PEBP1: variants seen among roughly 807,000 people sequenced by gnomAD.
The protein encoded by PEBP1 is phosphatidylethanolamine binding protein 1, also known as phosphatidylethanolamine-binding protein 1.
A neutral mutation model predicts 22.7 loss-of-function variants in PEBP1; 17 were observed. The ratio of observed to expected loss-of-function variants is 0.75; its 90% confidence interval spans 0.51 to 1.12. The LOEUF (loss-of-function observed/expected upper bound fraction) is 1.12, where lower values mean the gene tolerates loss of function less well. Among genes scored for constraint, PEBP1 ranks in the 50% most tolerant of loss-of-function variants. The pLI, the probability that PEBP1 is intolerant of heterozygous loss-of-function variation, is 0.00. For synonymous variants in PEBP1, 106 were observed against 104.3 expected (o/e 1.02, Z -0.10); for missense variants, 205 against 243.5 (o/e 0.84, Z 1.05).
chr12:118,141,185 C>G (rs1037089647), intron 3 of PEBP1, among the ~76,000 whole-genome samples: 1 of 151,726 alleles, frequency 6.6e-6, no homozygotes. Flanking sequence ...GGCGTGATCT[C>G]GGCTCACTAC....
chr12:118,141,458 G>A (rs1328014995), intron 3 of PEBP1, among the ~76,000 whole-genome samples: 3 of 152,198 alleles, frequency 2.0e-5, no homozygotes, highest in Admixed American at 6.5e-5. Context: ...CATGGACCAG[G>A]CACGGTGGCT....
rs1256500624 is a variant in PEBP1 at position 118,139,538 on chromosome 12, T to C, written c.333T>C (p.Pro111=). The C allele has an allele frequency of 7.5e-6, 12 of 1,610,668 alleles. No individual in the cohort carries two copies. The highest frequency in any genetic ancestry group is 3.3e-5 in the Admixed American group (2 of 59,802). ...TCTCCGATTATGTGGGCTCGGGGCCTCCCAAGGGCACAGGTTAGTAAAGGT... is the reference window on the plus strand; with the variant it reads ...TCTCCGATTATGTGGGCTCGGGGCCCCCCAAGGGCACAGGTTAGTAAAGGT... ...TVLSDYVGSG[P]PKGTGLHRYV... Residue 111 remains proline (P), a synonymous_variant, in exon 3 of 4, where the codon CCT becomes CCC. Coordinates refer to ENST00000261313, the MANE Select transcript of PEBP1 (RefSeq NM_002567.4).
chr12:118,141,321 T>G (rs2034112194), intron 3 of PEBP1, among the ~76,000 whole-genome samples: 1 of 152,142 alleles, frequency 6.6e-6, no homozygotes, highest in Admixed American at 6.5e-5. Flanking sequence ...TTCACCATGT[T>G]GGCCAGGCTG....
rs1050555 is a variant in PEBP1, at chr12:118,136,285, C to A, written c.76C>A (p.His26Asn). 1 of 1,547,088 alleles carries A rather than the reference C, an allele frequency of 6.5e-7. No homozygotes were observed. The highest frequency in any genetic ancestry group is 2.0e-5 in the Admixed American group (1 of 50,996). Residue 26 changes from histidine (H) to asparagine (N), a missense_variant, in exon 1 of 4, where the codon CAT (histidine) becomes AAT (asparagine). Transcript: ENST00000261313. The surrounding 1 kb of genome is among the most constrained non-coding windows in gnomAD (Gnocchi z 5.6). ...GGACGAGCAGCCGCAGCACCCGCTG[C>A]ATGTCACCTACGCCGGGGCGGCGGT... Reference protein sequence around the residue: ...EVDEQPQHPLHVTYAGAAVDE... With the variant: ...EVDEQPQHPLNVTYAGAAVDE...
At chr12:118,141,004 G>A (rs1004008597) in intron 3 of PEBP1, among the ~76,000 whole-genome samples, 1 of 152,126 alleles carries the variant, frequency 6.6e-6, no homozygotes, top group Non-Finnish European at 1.5e-5. Flanking sequence ...AGCAGCCATT[G>A]GAAAGACAGA....
chr12:118,143,917 A>C (rs1008994797), intron 3 of PEBP1, among the ~76,000 whole-genome samples: 5 of 151,682 alleles, frequency 3.3e-5, no homozygotes, highest in African/African-American at 7.3e-5. Context: ...AAAAAAAAAA[A>C]AAAACCCACT....
chr12:118,138,524 G>A (rs1404683293), intron 2 of PEBP1, among the ~76,000 whole-genome samples: 3 of 151,992 alleles, frequency 2.0e-5, no homozygotes, highest in Admixed American at 6.6e-5. Context: ...TCAGCTAACC[G>A]AGTAGCTGGA....
chr12:118,140,486 A>G (rs890321064), intron 3 of PEBP1, among the ~76,000 whole-genome samples: 1 of 152,146 alleles, frequency 6.6e-6, no homozygotes, highest in Non-Finnish European at 1.5e-5. Flanking sequence ...AGGCAGGTTA[A>G]TTATGGGAAG....
intron 2 of PEBP1, among the ~76,000 whole-genome samples, chr12:118,138,610 GCT>G (rs2034087281): frequency 6.6e-6 from 1 of 151,932 alleles, no homozygotes; most frequent in Admixed American, 6.6e-5. Context: ...TGTCCAGGCT[GCT>G]CTCGAACTCC....
At chr12:118,137,779 C>T (rs2034078907) in intron 1 of PEBP1, among the ~76,000 whole-genome samples, 1 of 152,028 alleles carries the variant, frequency 6.6e-6, no homozygotes. Context: ...CCTCTGCCTC[C>T]CCAGCTCAAG....
In PEBP1 at chr12:118,136,770, C is replaced by T. The variant is rs556974163; in HGVS notation, c.135+426C>T. Among the ~76,000 whole-genome samples the T allele has an allele frequency of 1.3e-5, 2 of 152,304 alleles. No homozygotes were observed. The highest frequency in any genetic ancestry group is 4.1e-4 in the South Asian group (2 of 4,830). ...TAGGCCTGGTTTTGGAGGGCTGAAG[C>T]CTCACCCGAGAGCCTGTGACGCATT... On this transcript the variant is annotated intron_variant, in intron 1 of 3. Transcript: ENST00000261313. The surrounding 1 kb of genome is among the most constrained non-coding windows in gnomAD (Gnocchi z 5.6).
In PEBP1 at chr12:118,144,777, C is replaced by G. The variant is rs370182002; in HGVS notation, c.538C>G (p.Leu180Val). 1 of 1,614,114 alleles carries G rather than the reference C, an allele frequency of 6.2e-7. No homozygotes were observed. Among genetic ancestry groups the G allele is most frequent in the South Asian group, 1.1e-5 (1 of 91,074 alleles). The change falls in exon 4 of 4, where the codon CTG (leucine) becomes GTG (valine). Residue 180 changes from leucine (L) to valine (V), a missense_variant. Leu to Val is a conservative substitution (Grantham distance 32). Coordinates refer to ENST00000261313, the MANE Select transcript of PEBP1 (RefSeq NM_002567.4). ...CGAGTGGGATGACTATGTGCCCAAA[C>G]TGTACGAGCAGCTGTCTGGGAAGTA... ...QAEWDDYVPKLYEQLSGK is the reference protein window; with the variant it reads ...QAEWDDYVPKVYEQLSGK
At position 118,145,029 on chromosome 12, in the gene PEBP1, G is replaced by T. The variant is rs1158043448; in HGVS notation, c.*226G>T. 3.4e-6 allele frequency: 5 copies of T among 1,480,692 alleles called. No individual in the cohort carries two copies. The African/African-American group carries it at 5.6e-5, about 16-fold the overall frequency. The allele number at this position is 1,480,692 out of a possible 1,614,324, so 91.7% of individuals were successfully genotyped here. A position where few individuals can be genotyped will look rare whatever the true frequency, so the allele number is the denominator to read the frequency against. On this transcript the variant is annotated 3_prime_UTR_variant, in exon 4 of 4. Transcript: ENST00000261313. ...TCAAATTTGAACTTCATTTTGGGGG[G>T]TATTTTGGTACTGTGATGGGGTCAT...
Position 118,144,722 on chromosome 12 carries a change from G to A in PEBP1, c.483G>A (p.Arg161=). 3 of 1,614,146 alleles carry A rather than the reference G, an allele frequency of 1.9e-6. No individual in the cohort carries two copies. The highest frequency in any genetic ancestry group is 2.5e-6 in the Non-Finnish European group (3 of 1,180,026). ...CCTTCCGTAAAAAGTATGAGCTCAG[G>A]GCCCCGGTGGCTGGCACGTGTTACC... The part of the protein sequence containing the change: ...VASFRKKYEL[R]APVAGTCYQA... The change falls in exon 4 of 4, where the codon AGG becomes AGA. Residue 161 remains arginine, a synonymous_variant. Transcript: ENST00000261313.
intron 3 of PEBP1, among the ~76,000 whole-genome samples, chr12:118,142,592 T>C (rs1437084654): frequency 2.6e-5 from 4 of 152,094 alleles, no homozygotes; most frequent in African/African-American, 7.2e-5. Context: ...TCCTCCCACC[T>C]CAGCCTCCTG....
rs997618514 is a variant in PEBP1, at chr12:118,136,863, T to C, written c.135+519T>C. ...AAATGGGTCGAGAGCGTCCAGCCGGTACGCTGGAGGGCAACGGTTTAGTTT... is the reference window on the plus strand; with the variant it reads ...AAATGGGTCGAGAGCGTCCAGCCGGCACGCTGGAGGGCAACGGTTTAGTTT... On this transcript the variant is annotated intron_variant, in intron 1 of 3. Transcript: ENST00000261313. This position sits in a 1 kb window ranked among gnomAD's most constrained non-coding sequence, Gnocchi z 5.6. Among the ~76,000 whole-genome samples the C allele has an allele frequency of 3.3e-5, 5 of 152,170 alleles. No homozygotes were observed. In the East Asian group the frequency reaches 9.6e-4, roughly 29 times the overall value.
At chr12:118,138,364 C>G (rs1170664749) in intron 2 of PEBP1, among the ~76,000 whole-genome samples, 1 of 151,980 alleles carries the variant, frequency 6.6e-6, no homozygotes, top group Non-Finnish European at 1.5e-5. Flanking sequence ...TTATACAGCC[C>G]CATGAGCTAA....
In PEBP1 at chr12:118,145,007, A is replaced by G; in HGVS notation, c.*204A>G. ...CTCACTCTGATTTATGTTTTGATCA[A>G]ATTTGAACTTCATTTTGGGGGGTAT... On this transcript the variant is annotated 3_prime_UTR_variant, in exon 4 of 4. Coordinates refer to ENST00000261313, the MANE Select transcript of PEBP1 (RefSeq NM_002567.4). 2.6e-6 allele frequency: 4 copies of G among 1,510,484 alleles called. No individual in the cohort carries two copies. Among genetic ancestry groups the G allele is most frequent in the Non-Finnish European group, 3.5e-6 (4 of 1,131,410 alleles). The allele number at this position is 1,510,484 out of a possible 1,614,324, so 93.6% of individuals were successfully genotyped here.
rs768466237 is a variant in PEBP1 at position 118,144,676 on chromosome 12, G to A, written c.437G>A (p.Arg146His). 3 of 1,614,146 alleles carry A rather than the reference G, an allele frequency of 1.9e-6. No homozygotes were observed. Among genetic ancestry groups the A allele is most frequent in the Non-Finnish European group, 1.7e-6 (2 of 1,180,018 alleles). ...PILSNRSGDHRGKFKVASFRK... is the reference protein window; with the variant it reads ...PILSNRSGDHHGKFKVASFRK... ...CTCAGCAACCGATCTGGAGACCACC[G>A]TGGCAAATTCAAGGTGGCGTCCTTC... Residue 146 changes from arginine (R) to histidine (H), a missense_variant, in exon 4 of 4, where the codon CGT becomes CAT. Arg to His is a conservative substitution (Grantham distance 29, BLOSUM62 0). Transcript: ENST00000261313.
Sources: allele counts gnomAD v4.1 joint callset (sites outside exome capture counted in the v4.1 genomes callset), GRCh38; gene constraint gnomAD v4.1.1; non-coding constraint Gnocchi (gnomAD v3.1); transcripts MANE v1.5; gene names NCBI Gene and HGNC (gene_info 2026-07-23, HGNC 2026-07-21).